Variants in EIF4E3 observed in about 807,000 individuals in gnomAD.
EIF4E3 encodes the protein eukaryotic translation initiation factor 4E family member 3, also known as eukaryotic translation initiation factor 4E type 3.
In EIF4E3, 26 loss-of-function variants were observed where a neutral mutation model predicts 31.7. The observed-to-expected ratio is 0.82, with a 90% CI of 0.60 to 1.14. The LOEUF is 1.14. Among genes scored for constraint, EIF4E3 ranks in the 50% most tolerant of loss-of-function variants. The pLI is 0.00. For synonymous variants in EIF4E3, 128 were observed against 107.7 expected, an observed-to-expected ratio of 1.19 and a Z score of -1.17; for missense variants, 304 against 270.9, an observed-to-expected ratio of 1.12 and a Z score of -0.86.
chr3:71,684,762 A>G, intron 6 of EIF4E3, 34 bp from the exon 7 acceptor site: 2 of 1,610,204 alleles, frequency 1.2e-6, no homozygotes, highest in Non-Finnish European at 1.7e-6. Flanking sequence ...AAAGAAAAAA[A>G]GGAAAGAAAA....
rs1056802668 is a variant in EIF4E3, at chr3:71,743,730, A to G, written c.-291+9733T>C. Among the ~76,000 whole-genome samples, 5 of 152,234 alleles carry G rather than the reference A, an allele frequency of 3.3e-5. No individual in the cohort carries two copies. The East Asian group carries it at 9.6e-4, about 29-fold the overall frequency. On this transcript the variant is annotated intron_variant, in intron 1 of 7. Coordinates refer to the EIF4E3 transcript ENST00000295612. ...TTTTAAGGCTTATTATAAAGCCACAATAATGAATACAGTGTGACATCAAGA... is the reference window on the plus strand; with the variant it reads ...TTTTAAGGCTTATTATAAAGCCACAGTAATGAATACAGTGTGACATCAAGA...
intron 1 of EIF4E3, 68 bp from the exon 2 acceptor site, chr3:71,710,552 A>G (rs1006987131): frequency 2.2e-5 from 32 of 1,474,496 alleles, no homozygotes; most frequent in African/African-American, 2.8e-5. Context: ...AACAGCCCAC[A>G]GTAGAATCTT....
Position 71,699,719 on chromosome 3 carries a change from A to G in EIF4E3, c.250-11T>C. On this transcript the variant is annotated splice_polypyrimidine_tract_variant and intron_variant, in intron 2 of 6. Coordinates refer to ENST00000425534, the MANE Select transcript of EIF4E3 (RefSeq NM_001134651.2). ...TACACTCCAAAATATCTTTAAAAGA[A>G]AAACAAACACTTTGTTTAATATACC... 1 of 1,604,532 alleles carries G rather than the reference A, an allele frequency of 6.2e-7. No individual in the cohort carries two copies. The highest frequency in any genetic ancestry group is 2.2e-5 in the East Asian group (1 of 44,816).
intron 2 of EIF4E3, among the ~76,000 whole-genome samples, chr3:71,707,458 T>C (rs547270654): frequency 2.0e-5 from 3 of 152,294 alleles, no homozygotes; most frequent in African/African-American, 7.2e-5. Flanking sequence ...CTAAGAACTA[T>C]ATACCATCTC....
upstream of EIF4E3, among the ~76,000 whole-genome samples, chr3:71,728,051 A>C (rs1040572784): frequency 6.6e-6 from 1 of 152,222 alleles, no homozygotes; most frequent in Non-Finnish European, 1.5e-5. Context: ...CAGCACCAAT[A>C]TTAGCCAATG....
chr3:71,714,383 A>C (rs1036333121), intron 1 of EIF4E3, among the ~76,000 whole-genome samples: 1 of 152,268 alleles, frequency 6.6e-6, no homozygotes, highest in African/African-American at 2.4e-5. Flanking sequence ...GGCTTCATAG[A>C]AACTCAGTTT....
chr3:71,698,519 C>T (rs9859923), intron 3 of EIF4E3, among the ~76,000 whole-genome samples: 13,082 of 152,206 alleles, frequency 0.086, 863 homozygotes, highest in African/African-American at 0.18. Flanking sequence ...CCACTTGCCC[C>T]CTACTCTTCT....
chr3:71,706,964 C>T (rs151226891), intron 2 of EIF4E3, among the ~76,000 whole-genome samples: 184 of 152,308 alleles, frequency 1.2e-3, no homozygotes, highest in African/African-American at 4.3e-3. Flanking sequence ...TATGGACACT[C>T]GCAGGCTGAA....
chr3:71,725,918 G>A (rs2049632416), upstream of EIF4E3, among the ~76,000 whole-genome samples: 1 of 152,128 alleles, frequency 6.6e-6, no homozygotes, highest in Admixed American at 6.5e-5. This position sits in a 1 kb window ranked among gnomAD's most constrained non-coding sequence, Gnocchi z 6.1. Context: ...AGGGATGGAG[G>A]GCAGATGGAA....
intron 1 of EIF4E3, among the ~76,000 whole-genome samples, chr3:71,718,676 G>A (rs1364433619): frequency 6.6e-6 from 1 of 152,172 alleles, no homozygotes; most frequent in Non-Finnish European, 1.5e-5. Flanking sequence ...AAGCAGAAAT[G>A]TTTTTGAGCA....
intron 2 of EIF4E3, among the ~76,000 whole-genome samples, chr3:71,707,871 C>CTTTT (rs35421624): frequency 7.5e-6 from 1 of 133,264 alleles, no homozygotes; most frequent in African/African-American, 2.8e-5. Context: ...CTAATTCATT[C>CTTTT]TTTTTTTTTT....
At position 71,682,851 on chromosome 3, in the gene EIF4E3, T is replaced by G. The variant is rs1027236836; in HGVS notation, c.*1831A>C. The stretch of plus-strand genomic sequence containing the variant: ...AAATACTTCAAAATCCATTTACTTA[T>G]GGAAATATACATGACAATTAGAGTG... On this transcript the variant is annotated 3_prime_UTR_variant, in exon 7 of 7. Transcript: ENST00000425534. 1 of 152,636 alleles carries G rather than the reference T, an allele frequency of 6.6e-6. No individual in the cohort carries two copies. Among genetic ancestry groups the G allele is most frequent in the African/African-American group, 2.4e-5 (1 of 41,460 alleles). The allele number at this position is 152,636 out of a possible 1,614,324, so 9.5% of individuals were successfully genotyped here. A position where few individuals can be genotyped will look rare whatever the true frequency, so the allele number is the denominator to read the frequency against.
intron 1 of EIF4E3, among the ~76,000 whole-genome samples, chr3:71,748,700 A>T (rs1403601817): frequency 6.6e-6 from 1 of 152,098 alleles, no homozygotes; most frequent in Non-Finnish European, 1.5e-5. Flanking sequence ...ATGAGAAGGG[A>T]CACCCCACAC....
intron 6 of EIF4E3, among the ~76,000 whole-genome samples, chr3:71,685,446 T>A (rs2048978838): frequency 6.6e-6 from 1 of 152,150 alleles, no homozygotes; most frequent in Non-Finnish European, 1.5e-5. Flanking sequence ...TGCAACCTCC[T>A]CTGCCTCCCA....
At chr3:71,721,049 G>A (rs141635086) in intron 1 of EIF4E3, among the ~76,000 whole-genome samples, 54 of 152,238 alleles carry the variant, frequency 3.5e-4, no homozygotes, top group African/African-American at 1.3e-3. Flanking sequence ...AGAGAAATGA[G>A]CTCAGTCACT....
At chr3:71,686,078 C>G (rs934141265) in intron 6 of EIF4E3, among the ~76,000 whole-genome samples, 3 of 152,166 alleles carry the variant, frequency 2.0e-5, no homozygotes, top group Admixed American at 1.3e-4. Context: ...CTTGACTTCC[C>G]GGGCTCAAGC....
intron 1 of EIF4E3, among the ~76,000 whole-genome samples, chr3:71,750,338 G>A (rs1051906962): frequency 1.1e-4 from 17 of 152,108 alleles, no homozygotes; most frequent in African/African-American, 4.1e-4. Flanking sequence ...GTGCTCATTA[G>A]AATAAAAAAT....
chr3:71,708,635 A>G (rs2049329656), intron 2 of EIF4E3, among the ~76,000 whole-genome samples: 1 of 152,084 alleles, frequency 6.6e-6, no homozygotes, highest in Non-Finnish European at 1.5e-5. Flanking sequence ...TGTCAGCCCC[A>G]GAACCCCTTG....
chr3:71,674,137 C>T (rs1271369286), downstream of EIF4E3, among the ~76,000 whole-genome samples: 5 of 116,990 alleles, frequency 4.3e-5, no homozygotes, highest in African/African-American at 6.7e-5. Flanking sequence ...GACAGCGCCT[C>T]GCTGTGTCGC....
Sources: gnomAD v4.1 joint callset for allele counts (sites outside exome capture counted in the v4.1 genomes callset) on GRCh38, gnomAD v4.1.1 for gene constraint, Gnocchi (gnomAD v3.1) non-coding constraint, MANE v1.5 for transcripts, NCBI Gene and HGNC (gene_info 2026-07-23, HGNC 2026-07-21) for gene names.